OSBPL8: variants seen among roughly 807,000 people sequenced by gnomAD.
OSBPL8 encodes the protein oxysterol-binding protein-related protein 8.
A neutral mutation model predicts 125.5 loss-of-function variants in OSBPL8; 59 were observed. The ratio of observed to expected loss-of-function variants is 0.47; its 90% CI spans 0.38 to 0.58. The LOEUF is 0.58. Ranked by LOEUF, OSBPL8 falls within the 20% of genes least tolerant of loss-of-function variation. The pLI, the probability that OSBPL8 is intolerant of heterozygous loss-of-function variation, is 0.00. For synonymous variants in OSBPL8, 330 were observed against 338.9 expected, an observed-to-expected ratio of 0.97 and a Z score of 0.29; for missense variants, 758 against 1,047.8, an observed-to-expected ratio of 0.72 and a Z score of 3.82.
chr12:76,358,817 G>A lies in OSBPL8; in HGVS notation c.2329-6C>T. ...TTCATTTTGGGGACGCTAACCTAAA[G>A]AAAAAAATAACTATTTTGTGAATTT... On this transcript the variant is annotated splice_region_variant and splice_polypyrimidine_tract_variant and intron_variant, in intron 21 of 23. Transcript: ENST00000261183. 6.2e-7 allele frequency: 1 copy of A among 1,608,856 alleles called. No homozygotes were observed. Among genetic ancestry groups the A allele is most frequent in the Non-Finnish European group, 8.5e-7 (1 of 1,175,756 alleles).
intron 1 of OSBPL8, among the ~76,000 whole-genome samples, chr12:76,492,241 A>G (rs1177424419): frequency 6.6e-6 from 1 of 152,206 alleles, no homozygotes; most frequent in African/African-American, 2.4e-5. Context: ...AGCTATGCAG[A>G]TATCTGAGGG....
chr12:76,444,427 G>A (rs1872538789), intron 4 of OSBPL8, among the ~76,000 whole-genome samples: 1 of 152,152 alleles, frequency 6.6e-6, no homozygotes, highest in African/African-American at 2.4e-5. Flanking sequence ...AAAGAGAACA[G>A]ATTTAAACTA....
At chr12:76,544,389 G>A (rs1331186874) in intron 1 of OSBPL8, among the ~76,000 whole-genome samples, 1 of 152,098 alleles carries the variant, frequency 6.6e-6, no homozygotes, top group East Asian at 1.9e-4. Flanking sequence ...ACAGAATGTA[G>A]GTTAAAAGAA....
chr12:76,411,375 A>G (rs1954508049), intron 4 of OSBPL8, among the ~76,000 whole-genome samples: 1 of 152,080 alleles, frequency 6.6e-6, no homozygotes, highest in South Asian at 2.1e-4. Context: ...AGGTTTTTCT[A>G]TTTTTGAGGA....
intron 2 of OSBPL8, among the ~76,000 whole-genome samples, chr12:76,475,555 C>A (rs1592748752): frequency 6.6e-6 from 1 of 152,216 alleles, no homozygotes; most frequent in East Asian, 1.9e-4. Context: ...AACTGTGCAA[C>A]AGTTCTGTTC....
chr12:76,479,736 A>G (rs775265899), intron 2 of OSBPL8, among the ~76,000 whole-genome samples: 1 of 152,232 alleles, frequency 6.6e-6, no homozygotes, highest in Non-Finnish European at 1.5e-5. Flanking sequence ...TTCATATTGT[A>G]GAAAACTCCA....
chr12:76,404,744 T>C lies in OSBPL8; in HGVS notation c.289-1978A>G, dbSNP rs951319070. 3.3e-5 allele frequency among the ~76,000 whole-genome samples: 5 copies of C among 152,348 alleles called. 1 individual carries two copies. The South Asian group carries it at 8.3e-4, about 25-fold the overall frequency. On this transcript the variant is annotated intron_variant, in intron 5 of 23. Coordinates refer to ENST00000261183, the MANE Select transcript of OSBPL8 (RefSeq NM_020841.5). The stretch of plus-strand genomic sequence containing the variant: ...GTAAGAATACAGTATACAATACCTA[T>C]ACAAAATATGTGTTAATTGACTATG...
chr12:76,557,112 C>T (rs1951128425), intron 1 of OSBPL8, among the ~76,000 whole-genome samples: 5 of 152,124 alleles, frequency 3.3e-5, no homozygotes, highest in Admixed American at 3.3e-4. Flanking sequence ...ATAATACAAA[C>T]ATTACAACAT....
At chr12:76,491,875 A>C (rs916519548) in intron 1 of OSBPL8, among the ~76,000 whole-genome samples, 1 of 152,198 alleles carries the variant, frequency 6.6e-6, no homozygotes, top group Non-Finnish European at 1.5e-5. Flanking sequence ...ACAAAATAAC[A>C]AAATATCATA....
chr12:76,440,702 T>C (rs1872084712), intron 4 of OSBPL8, among the ~76,000 whole-genome samples: 1 of 152,188 alleles, frequency 6.6e-6, no homozygotes, highest in South Asian at 2.1e-4. Context: ...GGGTATGTTA[T>C]CCAGTTCATT....
At chr12:76,439,163 G>A (rs376104088) in intron 4 of OSBPL8, among the ~76,000 whole-genome samples, 3 of 152,204 alleles carry the variant, frequency 2.0e-5, no homozygotes, top group East Asian at 3.9e-4. Context: ...TGCAGATCAC[G>A]AGGTCAGGAG....
At chr12:76,505,589 T>C (rs1044973661) in intron 1 of OSBPL8, among the ~76,000 whole-genome samples, 5 of 151,932 alleles carry the variant, frequency 3.3e-5, no homozygotes, top group Admixed American at 6.6e-5. Context: ...AAATTTTAGA[T>C]AGGATTGCCT....
intron 4 of OSBPL8, among the ~76,000 whole-genome samples, chr12:76,428,531 A>G (rs1870429947): frequency 6.6e-6 from 1 of 152,164 alleles, no homozygotes; most frequent in South Asian, 2.1e-4. Flanking sequence ...TTAGGATGAA[A>G]GCACTGTAAG....
At chr12:76,384,923 A>T (rs1411682049) in intron 14 of OSBPL8, among the ~76,000 whole-genome samples, 1 of 152,228 alleles carries the variant, frequency 6.6e-6, no homozygotes, top group Non-Finnish European at 1.5e-5. Context: ...ATCATATAAG[A>T]TAATAAATAC....
chr12:76,551,279 C>T lies in OSBPL8; in HGVS notation c.-68+8118G>A, dbSNP rs527957126. On this transcript the variant is annotated intron_variant, in intron 1 of 23. Coordinates refer to ENST00000261183, the MANE Select transcript of OSBPL8 (RefSeq NM_020841.5). ...TAAAATCATTTCTTTCAGATTCACT[C>T]ATTCACTCAATCTTTAAAGCAGTAG... is the stretch of plus-strand genomic sequence containing the variant. Among the ~76,000 whole-genome samples, 14 of 152,312 alleles carry T rather than the reference C, an allele frequency of 9.2e-5. No individual in the cohort carries two copies. In the South Asian group the frequency reaches 2.9e-3, roughly 32 times the overall value.
At chr12:76,497,540 C>T (rs1879407926) in intron 1 of OSBPL8, among the ~76,000 whole-genome samples, 1 of 152,322 alleles carries the variant, frequency 6.6e-6, no homozygotes, top group Admixed American at 6.5e-5. Flanking sequence ...AAAGTAGCTT[C>T]TTTGCTCAGC....
intron 2 of OSBPL8, among the ~76,000 whole-genome samples, chr12:76,477,726 A>G (rs1279247835): frequency 2.0e-5 from 3 of 152,202 alleles, no homozygotes; most frequent in Admixed American, 2.0e-4. Flanking sequence ...TGAGTTCATC[A>G]ATTATATCAC....
intron 23 of OSBPL8, 74 bp from the exon 24 acceptor site, chr12:76,356,095 T>C (rs910598652): frequency 2.8e-6 from 3 of 1,089,444 alleles, no homozygotes; most frequent in Admixed American, 2.7e-5. Context: ...AATTTGATAT[T>C]AAACAGTCAC....
chr12:76,369,390 T>C, intron 20 of OSBPL8, 89 bp from the exon 21 acceptor site: 3 of 1,473,238 alleles, frequency 2.0e-6, no homozygotes, highest in Non-Finnish European at 2.7e-6. Context: ...ATTTTATTAA[T>C]AATTATATAC....
Sources: gnomAD v4.1 joint callset for allele counts (sites outside exome capture counted in the v4.1 genomes callset) on GRCh38, gnomAD v4.1.1 for gene constraint, MANE v1.5 for transcripts, NCBI Gene and HGNC (gene_info 2026-07-23, HGNC 2026-07-21) for gene names.